PCDHGA3: variants seen among roughly 807,000 people sequenced by gnomAD.
PCDHGA3 encodes protocadherin gamma subfamily A, 3, also known as protocadherin gamma-A3.
Under a neutral mutation model 58.5 loss-of-function variants are expected in PCDHGA3, and 40 were observed. That is an observed-to-expected ratio of 0.68 (90% CI 0.53 to 0.89). The LOEUF (loss-of-function observed/expected upper bound fraction) is 0.89, where lower values mean the gene tolerates loss of function less well. Ranked by LOEUF, PCDHGA3 falls within the 40% of genes least tolerant of loss-of-function variation. PCDHGA3 has a pLI of 0.00. For missense variants in PCDHGA3, 1,223 were observed against 1,195.9 expected, an observed-to-expected ratio of 1.02 and a Z score of -0.33; for synonymous variants, 530 against 525.7, an observed-to-expected ratio of 1.01 and a Z score of -0.11.
intron 1 of PCDHGA3, chr5:141,364,398 T>TG: frequency 6.2e-6 from 10 of 1,605,684 alleles, no homozygotes; most frequent in Non-Finnish European, 7.7e-6. Flanking sequence ...CTGGGGACGC[T>TG]GTGCGAGCCA....
At chr5:141,442,053 G>A (rs888378256) in intron 1 of PCDHGA3, 3 of 197,472 alleles carry the variant, frequency 1.5e-5, no homozygotes, top group Non-Finnish European at 3.2e-5. Flanking sequence ...ACTGGTCGCG[G>A]TGCACTGCGG....
intron 1 of PCDHGA3, chr5:141,382,950 C>T: frequency 6.2e-7 from 1 of 1,600,458 alleles, no homozygotes; most frequent in African/African-American, 1.3e-5. Context: ...TCCTGCTCTC[C>T]ATCCTCCTGG....
At chr5:141,419,273 G>A (rs751868316) in intron 1 of PCDHGA3, 2 of 1,614,034 alleles carry the variant, frequency 1.2e-6, no homozygotes, top group South Asian at 1.1e-5. Flanking sequence ...TGCCTCCATA[G>A]CGCAAGTCAG....
intron 3 of PCDHGA3, 79 bp downstream of exon 3, chr5:141,505,560 G>A: frequency 6.2e-7 from 1 of 1,604,768 alleles, no homozygotes; most frequent in South Asian, 1.1e-5. Context: ...CATGCCCACG[G>A]ACTGGATGTC....
intron 1 of PCDHGA3, among the ~76,000 whole-genome samples, chr5:141,472,437 G>A (rs1332528325): frequency 6.6e-6 from 1 of 152,116 alleles, no homozygotes; most frequent in Non-Finnish European, 1.5e-5. Flanking sequence ...CTACTAGGGA[G>A]GCTGAGGCAG....
At chr5:141,392,973 C>A (rs1405082783) in intron 1 of PCDHGA3, 1 of 1,613,888 alleles carries the variant, frequency 6.2e-7, no homozygotes, top group South Asian at 1.1e-5. Flanking sequence ...GGACCTGGGG[C>A]TGGACCCCCG....
Position 141,344,447 on chromosome 5 carries a change from G to A in PCDHGA3, c.414G>A (p.Leu138=). The change falls in exon 1 of 4, where the codon TTG becomes TTA. Residue 138 remains leucine (L), a synonymous_variant. Coordinates refer to ENST00000253812, the MANE Select transcript of PCDHGA3 (RefSeq NM_018916.4). ...CTCCTAATTTCCCAACAGAGGAATT[G>A]GAAATAAAAATTGGTGAACTAACGG... ...DNAPNFPTEE[L]EIKIGELTVP... 6.2e-7 allele frequency: 1 copy of A among 1,613,710 alleles called. No homozygotes were observed. Among genetic ancestry groups the A allele is most frequent in the Non-Finnish European group, 8.5e-7 (1 of 1,179,772 alleles).
At chr5:141,418,877 G>T in intron 1 of PCDHGA3, 1 of 1,613,960 alleles carries the variant, frequency 6.2e-7, no homozygotes, top group Non-Finnish European at 8.5e-7. Context: ...AGTTGTAGAC[G>T]AAAACGACAA....
rs779459928 is a variant in PCDHGA3, at chr5:141,375,433, C to G, written c.2424+28976C>G. 39 of 1,613,898 alleles carry G rather than the reference C, an allele frequency of 2.4e-5. No homozygotes were observed. The South Asian group carries it at 4.3e-4, about 18-fold the overall frequency. ...TGGCAGACACCAACGACAACCCGCC[C>G]ACCTTCCCCCATTCATCCTACTCAG... On this transcript the variant is annotated intron_variant, in intron 1 of 3. Coordinates refer to ENST00000253812, the MANE Select transcript of PCDHGA3 (RefSeq NM_018916.4).
At chr5:141,414,118 G>C (rs559064215) in intron 1 of PCDHGA3, 1 of 1,592,490 alleles carries the variant, frequency 6.3e-7, no homozygotes, top group Admixed American at 1.8e-5. Flanking sequence ...AGATTATGAA[G>C]AAACCGGTTT....
chr5:141,382,789 T>C (rs1778438315), intron 1 of PCDHGA3: 4 of 924,532 alleles, frequency 4.3e-6, no homozygotes, highest in African/African-American at 3.3e-5. Context: ...CAAGCCTCTA[T>C]CCTGCTGGAT....
chr5:141,356,416 ACAC>A, intron 1 of PCDHGA3: 6 of 1,603,068 alleles, frequency 3.7e-6, no homozygotes, highest in Non-Finnish European at 5.1e-6. Context: ...TCGGTTGTTG[ACAC>A]ACAGAACACT....
At chr5:141,392,847 G>A (rs759327251) in intron 1 of PCDHGA3, 2 of 1,610,450 alleles carry the variant, frequency 1.2e-6, no homozygotes, top group Non-Finnish European at 1.7e-6. Context: ...CAGACGCGGC[G>A]AGCTGATCCT....
Position 141,491,307 on chromosome 5 carries a change from C to CCTTA in PCDHGA3, c.2425-3498_2425-3495dup. On this transcript the variant is annotated intron_variant, in intron 1 of 3. Transcript: ENST00000253812. The surrounding 1 kb of genome is among the most constrained non-coding windows in gnomAD (Gnocchi z 6.9). ...TCATACACCCTCCTGAGCGTTCAGA[C>CCTTA]CTTACCCTTTACCTCATTGTGGCTC... 1 of 1,614,152 alleles carries CCTTA rather than the reference C, an allele frequency of 6.2e-7. No individual in the cohort carries two copies. Among genetic ancestry groups the CCTTA allele is most frequent in the Non-Finnish European group, 8.5e-7 (1 of 1,179,986 alleles).
rs546494803 is a variant in PCDHGA3 at position 141,425,207 on chromosome 5, G to C, written c.2425-69600G>C. Among the ~76,000 whole-genome samples, 7 of 152,120 alleles carry C rather than the reference G, an allele frequency of 4.6e-5. No homozygotes were observed. In the East Asian group the frequency reaches 1.2e-3, roughly 25 times the overall value. ...TCCAAACTGAGAAAAATGATGTAAG[G>C]CATTGTACTTTGACTGGAATTAGTT... On this transcript the variant is annotated intron_variant, in intron 1 of 3. Transcript: ENST00000253812.
intron 1 of PCDHGA3, chr5:141,350,778 A>T: frequency 6.2e-7 from 1 of 1,613,974 alleles, no homozygotes; most frequent in Non-Finnish European, 8.5e-7. Flanking sequence ...AACCCCAATC[A>T]ATACTTCTCT....
chr5:141,381,026 C>A (rs1409313580), intron 1 of PCDHGA3, among the ~76,000 whole-genome samples: 1 of 152,144 alleles, frequency 6.6e-6, no homozygotes, highest in Non-Finnish European at 1.5e-5. Flanking sequence ...CTATTAGTTC[C>A]TTTAAACAAA....
At chr5:141,379,876 T>C (rs1775908667) in intron 1 of PCDHGA3, among the ~76,000 whole-genome samples, 1 of 146,348 alleles carries the variant, frequency 6.8e-6, no homozygotes, top group African/African-American at 2.5e-5. Flanking sequence ...TATTTTATGG[T>C]CTGTGAAAGC....
rs140184617 is a variant in PCDHGA3, at chr5:141,405,523, G to A, written c.2424+59066G>A. ...CAACCTCCGCCTCCCAAATTCAAGC[G>A]ATTCTCCTGCCTCAGCCTCCCAAGT... is the stretch of plus-strand genomic sequence containing the variant. On this transcript the variant is annotated intron_variant, in intron 1 of 3. Transcript: ENST00000253812. 5.4e-4 allele frequency: 366 copies of A among 679,318 alleles called. 4 individuals carry two copies. In the East Asian group the frequency reaches 9.7e-3, roughly 18 times the overall value. The allele number at this position is 679,318 out of a possible 1,614,324, so 42.1% of individuals were successfully genotyped here.
Sources: gnomAD v4.1 joint callset for allele counts (sites outside exome capture counted in the v4.1 genomes callset) on GRCh38, gnomAD v4.1.1 for gene constraint, Gnocchi (gnomAD v3.1) non-coding constraint, MANE v1.5 for transcripts, NCBI Gene and HGNC (gene_info 2026-07-23, HGNC 2026-07-21) for gene names.